CADPS2: variants seen among roughly 807,000 people sequenced by gnomAD.
CADPS2 encodes calcium dependent secretion activator 2.
In CADPS2, 93 loss-of-function variants were observed where a neutral mutation model predicts 172.5. The observed-to-expected ratio is 0.54, with a 90% CI of 0.46 to 0.64. CADPS2 has a LOEUF of 0.64. Among genes scored for constraint, CADPS2 ranks in the 30% least tolerant of loss-of-function variants. The probability of loss-of-function intolerance (pLI) is 0.00; values close to 1 mark genes in which losing one functional copy is unlikely to be tolerated. For missense variants in CADPS2, 1,420 were observed against 1,565.9 expected (o/e 0.91, Z 1.57); for synonymous variants, 546 against 555.2 (o/e 0.98, Z 0.23).
intron 25 of CADPS2, among the ~76,000 whole-genome samples, chr7:122,366,213 C>T (rs551620188): frequency 2.0e-5 from 3 of 151,022 alleles, no homozygotes; most frequent in Non-Finnish European, 4.4e-5. Context: ...GTTTTAGTAA[C>T]ATATTCTTAA....
At chr7:122,580,109 T>C (rs933188226) in intron 7 of CADPS2, among the ~76,000 whole-genome samples, 4 of 152,114 alleles carry the variant, frequency 2.6e-5, no homozygotes, top group Non-Finnish European at 4.4e-5. Context: ...GAAGGTTTTA[T>C]TTGCTGGAAA....
chr7:122,663,531 C>G lies in CADPS2; in HGVS notation c.492G>C (p.Gln164His), dbSNP rs1042457777. The G allele has an allele frequency of 6.3e-7, 1 of 1,598,658 alleles. No individual in the cohort carries two copies. The highest frequency in any genetic ancestry group is 1.3e-5 in the African/African-American group (1 of 74,776). ...LKSDRVARMV[Q>H]SGGCSANDFR... ...AGTCATTAGCAGAACACCCTCCACT[C>G]TGTACCATTCTGGCCACTCGGTCAC... The change falls in exon 3 of 30, where the codon CAG becomes CAC. Residue 164 changes from glutamine to histidine, a missense_variant. By Grantham distance (24) the Gln-to-His change is conservative. Transcript: ENST00000449022.
chr7:122,539,690 T>C (rs1281019422), intron 8 of CADPS2, among the ~76,000 whole-genome samples: 1 of 152,002 alleles, frequency 6.6e-6, no homozygotes, highest in Non-Finnish European at 1.5e-5. Context: ...AAATGAGTAT[T>C]TAGAATGTTG....
At chr7:122,516,864 G>A (rs2060418008) in intron 8 of CADPS2, among the ~76,000 whole-genome samples, 1 of 152,014 alleles carries the variant, frequency 6.6e-6, no homozygotes, top group Admixed American at 6.6e-5. Context: ...ATTCCACAAT[G>A]TCTATATTGG....
intron 6 of CADPS2, among the ~76,000 whole-genome samples, chr7:122,606,919 G>A (rs1358823547): frequency 2.0e-5 from 3 of 152,056 alleles, no homozygotes; most frequent in Non-Finnish European, 2.9e-5. Context: ...ATTTGGCGAG[G>A]GAATGTTGTG....
At chr7:122,422,306 G>A (rs1038429156) in intron 17 of CADPS2, among the ~76,000 whole-genome samples, 1 of 152,048 alleles carries the variant, frequency 6.6e-6, no homozygotes, top group South Asian at 2.1e-4. Context: ...AGGACATTAC[G>A]GCCAAAGGCA....
chr7:122,525,993 T>G (rs2061200782), intron 8 of CADPS2, among the ~76,000 whole-genome samples: 1 of 152,170 alleles, frequency 6.6e-6, no homozygotes, highest in Non-Finnish European at 1.5e-5. Context: ...AATATCATTA[T>G]GAGCTGTGTG....
chr7:122,382,366 C>A (rs1348460712), intron 24 of CADPS2: 2 of 152,068 alleles, frequency 1.3e-5, no homozygotes, highest in Non-Finnish European at 2.9e-5. Context: ...AAGTCAAAAA[C>A]TGCCAAAATA....
At chr7:122,748,821 C>T (rs762629468) in intron 1 of CADPS2, among the ~76,000 whole-genome samples, 3 of 151,682 alleles carry the variant, frequency 2.0e-5, no homozygotes, top group Non-Finnish European at 4.4e-5. Flanking sequence ...AGTTAGAATG[C>T]TTTTCACTGA....
intron 1 of CADPS2, among the ~76,000 whole-genome samples, chr7:122,873,835 G>T (rs544910803): frequency 5.9e-5 from 9 of 152,034 alleles, no homozygotes; most frequent in Non-Finnish European, 1.0e-4. Flanking sequence ...AACATCTATT[G>T]TTTCCTTTTT....
At chr7:122,665,442 A>T (rs2081086325) in intron 2 of CADPS2, among the ~76,000 whole-genome samples, 1 of 152,210 alleles carries the variant, frequency 6.6e-6, no homozygotes, top group Non-Finnish European at 1.5e-5. Flanking sequence ...TTGTCAAATA[A>T]GATGCTCCTC....
At chr7:122,731,644 TGCTTAAAGAAAAAAAAAA>T (rs2091649783) in intron 2 of CADPS2, among the ~76,000 whole-genome samples, 1 of 148,618 alleles carries the variant, frequency 6.7e-6, no homozygotes, top group African/African-American at 2.5e-5. Flanking sequence ...GACAATGAGG[TGCTTAAAGAAAAAAAAAA>T]GGTGAAGAGG....
intron 15 of CADPS2, among the ~76,000 whole-genome samples, chr7:122,443,644 TTTATC>T (rs2051680466): frequency 6.6e-6 from 1 of 150,522 alleles, no homozygotes; most frequent in African/African-American, 2.4e-5. Context: ...GGAAACTTCT[TTTATC>T]TTTTTTTTTT....
intron 1 of CADPS2, among the ~76,000 whole-genome samples, chr7:122,741,133 G>A (rs1465988877): frequency 3.3e-5 from 5 of 152,068 alleles, no homozygotes; most frequent in Non-Finnish European, 7.4e-5. Flanking sequence ...ATAAACAGTG[G>A]TATACTATTC....
At position 122,562,981 on chromosome 7, in the gene CADPS2, C is replaced by G. The variant is rs192130143; in HGVS notation, c.1336-8292G>C. On this transcript the variant is annotated intron_variant, in intron 7 of 29. Coordinates refer to ENST00000449022, the MANE Select transcript of CADPS2 (RefSeq NM_017954.11). ...TAACAAAGTTCAAGTTCCACACAAC[C>G]TAACGATTAAGAATTATTTCTGCTA... is the stretch of plus-strand genomic sequence containing the variant. Among the ~76,000 whole-genome samples the G allele has an allele frequency of 6.6e-4, 100 of 152,226 alleles. 1 individual carries two copies. The East Asian group carries it at 0.012, about 18-fold the overall frequency.
intron 2 of CADPS2, among the ~76,000 whole-genome samples, chr7:122,700,166 C>T (rs890414046): frequency 1.3e-5 from 2 of 152,100 alleles, no homozygotes; most frequent in Non-Finnish European, 2.9e-5. Context: ...TTTTTTCCCA[C>T]CAGCTAGGAA....
intron 1 of CADPS2, among the ~76,000 whole-genome samples, chr7:122,825,817 T>C (rs1478777681): frequency 2.0e-5 from 3 of 152,212 alleles, no homozygotes; most frequent in Non-Finnish European, 2.9e-5. Flanking sequence ...ACAACCAGTA[T>C]ATTGACTTTG....
At chr7:122,491,471 T>G in intron 9 of CADPS2, 51 bp from the exon 10 acceptor site, 1 of 982,102 alleles carries the variant, frequency 1.0e-6, no homozygotes, top group Non-Finnish European at 1.5e-6. Context: ...ATTTACCAAA[T>G]TTAACTTTCG....
chr7:122,519,827 G>C lies in CADPS2; in HGVS notation c.1476-6512C>G, dbSNP rs531480380. Among the ~76,000 whole-genome samples the C allele has an allele frequency of 3.3e-5, 5 of 151,656 alleles. No homozygotes were observed. The South Asian group carries it at 1.0e-3, about 32-fold the overall frequency. On this transcript the variant is annotated intron_variant, in intron 8 of 29. Transcript: ENST00000449022. ...TTATGCTGTTTGGGAAAAAAGTTAA[G>C]AGAAAACATTTTTTTAAATGGTATT...
Sources: gnomAD v4.1 joint callset for allele counts (sites outside exome capture counted in the v4.1 genomes callset) on GRCh38, gnomAD v4.1.1 for gene constraint, MANE v1.5 for transcripts, NCBI Gene and HGNC (gene_info 2026-07-23, HGNC 2026-07-21) for gene names.